EML4: variants seen among roughly 807,000 people sequenced by gnomAD.
The protein encoded by EML4 is EMAP like 4, also known as echinoderm microtubule-associated protein-like 4.
In EML4, 72 loss-of-function variants were observed where a neutral mutation model predicts 129.0. The ratio of observed to expected loss-of-function variants is 0.56; its 90% confidence interval spans 0.46 to 0.68. The LOEUF is 0.68. Ranked by LOEUF, EML4 falls within the 30% of genes least tolerant of loss-of-function variation. The pLI is 0.00. For missense variants in EML4, 1,363 were observed against 1,190.6 expected, an observed-to-expected ratio of 1.14 and a Z score of -2.13; for synonymous variants, 532 against 405.0, an observed-to-expected ratio of 1.31 and a Z score of -3.77.
At chr2:42,185,184 C>T (rs1336303585) in intron 1 of EML4, among the ~76,000 whole-genome samples, 2 of 151,994 alleles carry the variant, frequency 1.3e-5, no homozygotes, top group Non-Finnish European at 2.9e-5. Context: ...TGACAGACTA[C>T]CACCTTCTGG....
chr2:42,264,584 C>T (rs140669637), intron 5 of EML4, 122 bp from the exon 6 acceptor site: 2 of 661,546 alleles, frequency 3.0e-6, no homozygotes, highest in Admixed American at 3.1e-5. Flanking sequence ...CTTACTTTCA[C>T]TTCCAGAGAT....
At chr2:42,282,307 A>G (rs1667055300) in intron 7 of EML4, among the ~76,000 whole-genome samples, 1 of 150,194 alleles carries the variant, frequency 6.7e-6, no homozygotes. Flanking sequence ...TGTCTGGTAA[A>G]TGAGGAAACT....
intron 1 of EML4, among the ~76,000 whole-genome samples, chr2:42,193,869 A>T (rs1671744706): frequency 6.6e-6 from 1 of 151,922 alleles, no homozygotes; most frequent in South Asian, 2.1e-4. Flanking sequence ...TATGTTTTGT[A>T]GAGACAGGAT....
chr2:42,317,487 A>C lies in EML4; in HGVS notation c.2117A>C (p.Glu706Ala), dbSNP rs1669304588. The C allele has an allele frequency of 6.2e-7, 1 of 1,612,266 alleles. No individual in the cohort carries two copies. Among genetic ancestry groups the C allele is most frequent in the Non-Finnish European group, 8.5e-7 (1 of 1,178,808 alleles). ...TTTATTTACCTCTATGTAGTCTCTG[A>C]AAATGGAAGAAAATATAGCAGATAT... ...DNFIYLYVVS[E>A]NGRKYSRYGR... The change falls in exon 19 of 23, where the codon GAA (glutamate) becomes GCA (alanine). Residue 706 changes from glutamate (E) to alanine (A), a missense_variant. Glu to Ala is a moderately radical substitution (Grantham distance 107). Coordinates refer to ENST00000318522, the MANE Select transcript of EML4 (RefSeq NM_019063.5).
chr2:42,326,742 C>T (rs1057200648), intron 21 of EML4, among the ~76,000 whole-genome samples: 3 of 152,030 alleles, frequency 2.0e-5, no homozygotes, highest in African/African-American at 7.2e-5. Flanking sequence ...ATTAGCTGGG[C>T]GTGGTGACGT....
chr2:42,182,037 A>G (rs1220300648), intron 1 of EML4, among the ~76,000 whole-genome samples: 1 of 151,360 alleles, frequency 6.6e-6, no homozygotes, highest in Non-Finnish European at 1.5e-5. Context: ...TACTTCCCCA[A>G]CAGAAACCTG....
intron 1 of EML4, among the ~76,000 whole-genome samples, chr2:42,239,639 T>C (rs913516744): frequency 2.6e-5 from 4 of 152,084 alleles, no homozygotes; most frequent in Non-Finnish European, 5.9e-5. Flanking sequence ...TTTCATATTT[T>C]AACCTTCAAA....
intron 13 of EML4, 64 bp downstream of exon 13, chr2:42,295,580 C>G: frequency 7.0e-7 from 1 of 1,431,942 alleles, no homozygotes; most frequent in Non-Finnish European, 9.5e-7. Context: ...TCAGTCCCAT[C>G]TCTTAGACCA....
intron 6 of EML4, among the ~76,000 whole-genome samples, chr2:42,276,756 G>A (rs929856037): frequency 1.3e-5 from 2 of 152,154 alleles, no homozygotes; most frequent in Non-Finnish European, 2.9e-5. Context: ...AGTTAACAAA[G>A]CGTGAAGCTA....
chr2:42,284,107 T>A (rs1361599343), intron 8 of EML4, among the ~76,000 whole-genome samples: 1 of 152,240 alleles, frequency 6.6e-6, no homozygotes, highest in Non-Finnish European at 1.5e-5. Flanking sequence ...TTACAAGAAT[T>A]TAGCGCTAAG....
At position 42,328,986 on chromosome 2, in the gene EML4, T is replaced by C; in HGVS notation, c.2442T>C (p.His814=). The stretch of plus-strand genomic sequence containing the variant: ...TTGCCGATGACTTTTGTAAAGTCCA[T>C]CTGTTTCAGTATCCCTGCTCCAAAG... ...IAVADDFCKV[H]LFQYPCSKAK... is the part of the protein sequence containing the mutation. The change falls in exon 22 of 23, where the codon CAT becomes CAC. Residue 814 remains histidine, a synonymous_variant. Coordinates refer to ENST00000318522, the MANE Select transcript of EML4 (RefSeq NM_019063.5). 1 of 1,613,100 alleles carries C rather than the reference T, an allele frequency of 6.2e-7. No homozygotes were observed. The highest frequency in any genetic ancestry group is 8.5e-7 in the Non-Finnish European group (1 of 1,179,890).
intron 11 of EML4, among the ~76,000 whole-genome samples, chr2:42,293,372 A>T (rs1307730925): frequency 2.0e-5 from 3 of 152,162 alleles, no homozygotes; most frequent in Non-Finnish European, 4.4e-5. Flanking sequence ...AAGCATTGAG[A>T]TTACAGGCAT....
intron 1 of EML4, among the ~76,000 whole-genome samples, chr2:42,242,605 C>A (rs776137250): frequency 4.6e-5 from 7 of 152,074 alleles, no homozygotes; most frequent in African/African-American, 1.7e-4. Flanking sequence ...ACTACTACTC[C>A]TGTGGTAGTA....
chr2:42,306,255 G>A (rs1471606038), intron 17 of EML4, among the ~76,000 whole-genome samples: 2 of 152,098 alleles, frequency 1.3e-5, no homozygotes, highest in East Asian at 3.9e-4. Context: ...CACATGACAG[G>A]TAACTGTAGG....
intron 1 of EML4, among the ~76,000 whole-genome samples, chr2:42,230,853 ATTC>A (rs1674293489): frequency 6.6e-6 from 1 of 152,196 alleles, no homozygotes; most frequent in Non-Finnish European, 1.5e-5. Flanking sequence ...GAAAAGGCTC[ATTC>A]TTTGTCTTGT....
chr2:42,219,079 C>G (rs1458605609), intron 1 of EML4, among the ~76,000 whole-genome samples: 2 of 152,172 alleles, frequency 1.3e-5, no homozygotes, highest in Non-Finnish European at 2.9e-5. Context: ...ATTTACACAC[C>G]AATGACTCTT....
intron 1 of EML4, among the ~76,000 whole-genome samples, chr2:42,212,671 T>G (rs1055021655): frequency 1.3e-5 from 2 of 152,230 alleles, no homozygotes; most frequent in African/African-American, 4.8e-5. Context: ...TTACTGTATG[T>G]CCACATTATT....
intron 21 of EML4, among the ~76,000 whole-genome samples, chr2:42,328,670 G>T (rs534999960): frequency 4.6e-5 from 7 of 152,254 alleles, no homozygotes; most frequent in Non-Finnish European, 1.0e-4. Context: ...CCATTTTGGG[G>T]CTATTTTGGT....
intron 5 of EML4, among the ~76,000 whole-genome samples, chr2:42,263,591 G>A (rs1665870894): frequency 6.6e-6 from 1 of 151,596 alleles, no homozygotes; most frequent in Non-Finnish European, 1.5e-5. Context: ...TTTTAGTAGA[G>A]ACGGGGTTTC....
Sources: allele counts gnomAD v4.1 joint callset (sites outside exome capture counted in the v4.1 genomes callset), GRCh38; gene constraint gnomAD v4.1.1; transcripts MANE v1.5; gene names NCBI Gene and HGNC (gene_info 2026-07-23, HGNC 2026-07-21).